AOPEP: variants seen among roughly 807,000 people sequenced by gnomAD.
AOPEP encodes aminopeptidase O.
In AOPEP, 77 loss-of-function variants were observed where a neutral mutation model predicts 98.1. The ratio of observed to expected loss-of-function variants is 0.78; its 90% CI spans 0.65 to 0.95. The LOEUF is 0.95. Among genes scored for constraint, AOPEP ranks in the 40% least tolerant of loss-of-function variants. AOPEP has a pLI of 0.00. For synonymous variants in AOPEP, 346 were observed against 365.3 expected (o/e 0.95, Z 0.60); for missense variants, 1,024 against 1,024.7 (o/e 1.00, Z 0.01).
chr9:94,776,452 C>T (rs995713991), intron 3 of AOPEP, among the ~76,000 whole-genome samples: 2 of 152,172 alleles, frequency 1.3e-5, no homozygotes, highest in Non-Finnish European at 2.9e-5. Flanking sequence ...CAGGCGCACG[C>T]CGCCATGCCT....
intron 14 of AOPEP, among the ~76,000 whole-genome samples, chr9:95,069,021 C>T (rs1482418122): frequency 2.0e-5 from 3 of 151,998 alleles, no homozygotes; most frequent in Admixed American, 2.0e-4. Flanking sequence ...CCTCATGCAC[C>T]CTTTCGTGGC....
chr9:94,731,057 G>A (rs1438693277), intron 1 of AOPEP, among the ~76,000 whole-genome samples: 3 of 152,156 alleles, frequency 2.0e-5, no homozygotes, highest in Admixed American at 2.0e-4. Context: ...TGGAAAAGCA[G>A]CAGCAGGACA....
At chr9:94,973,381 A>G (rs1240214431) in intron 10 of AOPEP, among the ~76,000 whole-genome samples, 1 of 152,246 alleles carries the variant, frequency 6.6e-6, no homozygotes, top group Non-Finnish European at 1.5e-5. Context: ...CATGGGCAAC[A>G]CCGTCTTCAC....
Position 94,931,896 on chromosome 9 carries a change from T to A in AOPEP, c.1661+3365T>A, listed in dbSNP as rs1444067634. 3.3e-6 allele frequency: 4 copies of A among 1,218,638 alleles called. No individual in the cohort carries two copies. The African/African-American group carries it at 6.1e-5, about 19-fold the overall frequency. The allele number at this position is 1,218,638 out of a possible 1,614,324, so 75.5% of individuals were successfully genotyped here. On this transcript the variant is annotated intron_variant, in intron 7 of 16. Coordinates refer to ENST00000375315, the MANE Select transcript of AOPEP (RefSeq NM_001193329.3). ...TCTGTGGCCAGTCCTTCCTCACCTC[T>A]CTTGCTGGCAGGTTAACAGTCTCCA...
chr9:94,977,704 A>T (rs140753219), intron 10 of AOPEP, among the ~76,000 whole-genome samples: 1 of 152,182 alleles, frequency 6.6e-6, no homozygotes, highest in East Asian at 1.9e-4. Context: ...ATGCTATGAA[A>T]ATGACCACTA....
chr9:94,895,561 A>T (rs2049432723), intron 5 of AOPEP, among the ~76,000 whole-genome samples: 1 of 152,064 alleles, frequency 6.6e-6, no homozygotes, highest in Non-Finnish European at 1.5e-5. Context: ...TGGTTAGTAA[A>T]CTACCTGTAA....
chr9:94,759,567 G>A, intron 1 of AOPEP, 82 bp from the exon 2 acceptor site: 1 of 531,092 alleles, frequency 1.9e-6, no homozygotes, highest in Non-Finnish European at 3.3e-6. Flanking sequence ...AAGGATGGTG[G>A]TCAACTTGCA....
chr9:94,967,833 G>A (rs762066356), intron 10 of AOPEP, 32 bp downstream of exon 10: 2 of 1,568,046 alleles, frequency 1.3e-6, no homozygotes, highest in East Asian at 2.2e-5. Context: ...TTGGAATTAA[G>A]AGCCCAGTTT....
chr9:94,889,666 T>G (rs2048647896), intron 5 of AOPEP, among the ~76,000 whole-genome samples: 1 of 152,228 alleles, frequency 6.6e-6, no homozygotes, highest in Non-Finnish European at 1.5e-5. Flanking sequence ...ATGTACAAAT[T>G]TCTGCATGAA....
chr9:94,990,946 A>G (rs905048033), intron 11 of AOPEP, among the ~76,000 whole-genome samples: 1 of 152,182 alleles, frequency 6.6e-6, no homozygotes, highest in Non-Finnish European at 1.5e-5. Flanking sequence ...ATTATTTTAT[A>G]TTGACATTGC....
At chr9:95,082,136 G>T (rs1009601257) in intron 15 of AOPEP, among the ~76,000 whole-genome samples, 4 of 152,098 alleles carry the variant, frequency 2.6e-5, no homozygotes, top group Non-Finnish European at 4.4e-5. Context: ...TCCCTGGCAG[G>T]TGAAGGACTT....
intron 2 of AOPEP, among the ~76,000 whole-genome samples, chr9:94,761,296 T>C (rs397617): frequency 0.22 from 34,231 of 152,144 alleles, 5,596 homozygotes; most frequent in African/African-American, 0.46. Flanking sequence ...GACCTTGCTC[T>C]AACAATTGTT....
chr9:95,138,352 A>G, the AOPEP span, among the ~76,000 whole-genome samples: 1 of 152,200 alleles, frequency 6.6e-6, no homozygotes, highest in Admixed American at 6.5e-5. Flanking sequence ...TGTGAAGAGG[A>G]AAGGCTTTTC....
the AOPEP span, among the ~76,000 whole-genome samples, chr9:95,120,505 T>C: frequency 6.6e-6 from 1 of 151,870 alleles, no homozygotes; most frequent in Non-Finnish European, 1.5e-5. Flanking sequence ...GCCTCCACGT[T>C]CTGGGCTCAA....
At chr9:94,766,270 G>A (rs551901157) in intron 2 of AOPEP, among the ~76,000 whole-genome samples, 32 of 152,146 alleles carry the variant, frequency 2.1e-4, no homozygotes, top group African/African-American at 3.9e-4. Flanking sequence ...CCGGTGCAGC[G>A]GCTCACGCGT....
chr9:94,958,579 C>T (rs1768094573), intron 9 of AOPEP, among the ~76,000 whole-genome samples: 1 of 152,130 alleles, frequency 6.6e-6, no homozygotes, highest in Admixed American at 6.5e-5. Context: ...TTTATTATTG[C>T]CATCCTAGTG....
chr9:94,933,028 T>G lies in AOPEP; in HGVS notation c.1661+4497T>G, dbSNP rs568135416. On this transcript the variant is annotated intron_variant, in intron 7 of 16. Transcript: ENST00000375315. ...TTATTGAAGATGTCTTTCCCACAGA[T>G]AAGACCCCAAGGACTCTCCCAGACT... The G allele has an allele frequency of 4.1e-6, 4 of 985,444 alleles. No homozygotes were observed. In the South Asian group the frequency reaches 1.9e-4, roughly 46 times the overall value. The allele number at this position is 985,444 out of a possible 1,614,324, so 61.0% of individuals were successfully genotyped here. A position where few individuals can be genotyped will look rare whatever the true frequency, so the allele number is the denominator to read the frequency against.
chr9:94,920,575 T>C (rs1047417265), intron 5 of AOPEP, among the ~76,000 whole-genome samples: 1 of 152,066 alleles, frequency 6.6e-6, no homozygotes, highest in Non-Finnish European at 1.5e-5. Flanking sequence ...AAAGCACAAA[T>C]AAATCAAACA....
rs543629389 is a variant in AOPEP, at chr9:95,080,687, C to A, written c.2233-7C>A. The A allele has an allele frequency of 2.3e-5, 37 of 1,611,910 alleles. No homozygotes were observed. In the South Asian group the frequency reaches 3.8e-4, roughly 17 times the overall value. ...GTCGCTCACTGGGCTCTCTCTTGTT[C>A]CTCCAGGTTCGCCATCGGTGGTGTG... On this transcript the variant is annotated splice_region_variant and splice_polypyrimidine_tract_variant and intron_variant, in intron 14 of 16. Transcript: ENST00000375315.
Sources: allele counts gnomAD v4.1 joint callset (sites outside exome capture counted in the v4.1 genomes callset), GRCh38; gene constraint gnomAD v4.1.1; transcripts MANE v1.5; gene names NCBI Gene and HGNC (gene_info 2026-07-23, HGNC 2026-07-21).